TRPM3: variants seen among roughly 807,000 people sequenced by gnomAD.
TRPM3 encodes the protein long transient receptor potential channel 3.
TRPM3 carries 77 observed loss-of-function variants against 181.2 expected under a neutral mutation model. The observed-to-expected ratio is 0.42, with a 90% CI of 0.35 to 0.51. The LOEUF (loss-of-function observed/expected upper bound fraction) is 0.51. Among genes scored for constraint, TRPM3 ranks in the 20% least tolerant of loss-of-function variants. The pLI is 0.01. For missense variants in TRPM3, 1,759 were observed against 2,196.7 expected (o/e 0.80, Z 3.98); for synonymous variants, 745 against 796.4 (o/e 0.94, Z 1.09).
chr9:70,689,646 T>C (rs2067947532), intron 8 of TRPM3, among the ~76,000 whole-genome samples: 2 of 152,062 alleles, frequency 1.3e-5, no homozygotes, highest in African/African-American at 4.8e-5. Flanking sequence ...TGAGACTTGA[T>C]ATGAGTGTGA....
chr9:71,288,311 G>A (rs900426868), intron 1 of TRPM3, among the ~76,000 whole-genome samples: 1 of 151,910 alleles, frequency 6.6e-6, no homozygotes, highest in African/African-American at 2.4e-5. Context: ...TCTGGATGTA[G>A]AGCTAAAACT....
At chr9:71,171,004 C>T (rs1360390373) in intron 1 of TRPM3, among the ~76,000 whole-genome samples, 5 of 148,126 alleles carry the variant, frequency 3.4e-5, no homozygotes, top group African/African-American at 9.9e-5. Context: ...AGAGAATATG[C>T]GCCTGGAGGT....
At chr9:71,060,056 G>C (rs945923950) in intron 1 of TRPM3, among the ~76,000 whole-genome samples, 1 of 152,094 alleles carries the variant, frequency 6.6e-6, no homozygotes, top group African/African-American at 2.4e-5. Context: ...ATGTAGAAGA[G>C]AATCAGACTT....
Position 70,876,122 on chromosome 9 carries a change from T to G in TRPM3, c.178-11611A>C, listed in dbSNP as rs551151419. 5.9e-4 allele frequency among the ~76,000 whole-genome samples: 89 copies of G among 151,820 alleles called. 3 individuals carry two copies. The highest frequency in any genetic ancestry group is 2.7e-4 in the Non-Finnish European group (18 of 67,846). ...CCATTTTAAGGTTGTTCAAGGTTATTAGGCTTAGCTTCAAAATATTGTTAA... is the reference window on the plus strand; with the variant it reads ...CCATTTTAAGGTTGTTCAAGGTTATGAGGCTTAGCTTCAAAATATTGTTAA... On this transcript the variant is annotated intron_variant, in intron 1 of 25. Transcript: ENST00000677713.
At chr9:71,171,833 G>A (rs1045118863) in intron 1 of TRPM3, among the ~76,000 whole-genome samples, 2 of 152,064 alleles carry the variant, frequency 1.3e-5, no homozygotes, top group Non-Finnish European at 2.9e-5. Context: ...ACACATCTAA[G>A]ACCAGATTGG....
At chr9:71,201,999 G>T (rs559821808) in intron 1 of TRPM3, among the ~76,000 whole-genome samples, 1 of 152,108 alleles carries the variant, frequency 6.6e-6, no homozygotes, top group Non-Finnish European at 1.5e-5. Context: ...ATGTACAGAT[G>T]GGTTTTTGGT....
intron 1 of TRPM3, among the ~76,000 whole-genome samples, chr9:70,934,601 C>T (rs547886631): frequency 6.6e-6 from 1 of 152,198 alleles, no homozygotes; most frequent in Non-Finnish European, 1.5e-5. Flanking sequence ...AAAATATGAT[C>T]TTACAGGGTT....
At chr9:70,967,483 T>TTTTCTGA (rs1203614920) in intron 1 of TRPM3, among the ~76,000 whole-genome samples, 5 of 152,144 alleles carry the variant, frequency 3.3e-5, no homozygotes, top group African/African-American at 1.2e-4. Context: ...TCCAAAGAAA[T>TTTTCTGA]TCTGTGTTTA....
At chr9:71,154,219 T>A (rs1183123010) in intron 1 of TRPM3, among the ~76,000 whole-genome samples, 3 of 152,172 alleles carry the variant, frequency 2.0e-5, no homozygotes, top group Admixed American at 1.3e-4. Context: ...AATAACTTTT[T>A]AAAATATAAT....
rs11142606 is a variant in TRPM3 at position 70,828,715 on chromosome 9, T to G, written c.802-697A>C. 5.5e-4 allele frequency among the ~76,000 whole-genome samples: 79 copies of G among 143,236 alleles called. 1 individual carries two copies. Among genetic ancestry groups the G allele is most frequent in the East Asian group, 2.8e-3 (14 of 5,078 alleles). The allele number at this position is 143,236 out of a possible 152,430, so 94.0% of individuals were successfully genotyped here. A position where few individuals can be genotyped will look rare whatever the true frequency, so the allele number is the denominator to read the frequency against. The stretch of plus-strand genomic sequence containing the variant: ...TGGCCTTCCAGATTTTTTTTTTTTT[T>G]TATAAAAAGAACAGCAATACCTATT... On this transcript the variant is annotated intron_variant, in intron 5 of 25. Transcript: ENST00000677713.
chr9:70,911,416 C>A (rs1027659937), intron 1 of TRPM3, among the ~76,000 whole-genome samples: 1 of 152,192 alleles, frequency 6.6e-6, no homozygotes, highest in Non-Finnish European at 1.5e-5. Flanking sequence ...TAATTTCATA[C>A]AAAATCATGC....
intron 1 of TRPM3, among the ~76,000 whole-genome samples, chr9:70,870,609 G>T (rs1034039832): frequency 2.0e-5 from 3 of 151,954 alleles, no homozygotes; most frequent in Non-Finnish European, 4.4e-5. Context: ...TACAGAAAAA[G>T]TGGAAACAAA....
At chr9:70,618,481 G>A (rs2063125949) in intron 17 of TRPM3, among the ~76,000 whole-genome samples, 2 of 152,184 alleles carry the variant, frequency 1.3e-5, no homozygotes, top group Admixed American at 6.5e-5. Context: ...ATGACATGAT[G>A]CCAAGGAGGG....
chr9:71,342,986 C>T (rs747759858), intron 1 of TRPM3, among the ~76,000 whole-genome samples: 8 of 151,888 alleles, frequency 5.3e-5, no homozygotes, highest in Non-Finnish European at 8.8e-5. Flanking sequence ...ATAGTGTACC[C>T]TTTGTATAAG....
chr9:70,875,025 CA>C (rs958479230), intron 1 of TRPM3, among the ~76,000 whole-genome samples: 1 of 151,826 alleles, frequency 6.6e-6, no homozygotes, highest in Non-Finnish European at 1.5e-5. Context: ...ATTCTGAGGT[CA>C]AATTATTTAT....
chr9:70,890,495 G>A (rs947908649), intron 1 of TRPM3, among the ~76,000 whole-genome samples: 2 of 152,084 alleles, frequency 1.3e-5, no homozygotes, highest in Admixed American at 6.6e-5. Context: ...CAGTGGAGTA[G>A]ATGAAGATAG....
At chr9:70,846,320 C>G (rs2094950759) in intron 4 of TRPM3, 58 bp downstream of exon 4, 8 of 1,501,950 alleles carry the variant, frequency 5.3e-6, no homozygotes, top group Non-Finnish European at 7.4e-6. Flanking sequence ...CAGAAAATTA[C>G]ATCAGGCACA....
At chr9:70,601,193 C>T (rs1174255429) in intron 20 of TRPM3, among the ~76,000 whole-genome samples, 5 of 152,154 alleles carry the variant, frequency 3.3e-5, no homozygotes, top group Non-Finnish European at 7.4e-5. Flanking sequence ...ATCATAGTCA[C>T]GCCATCGACC....
At chr9:71,079,465 G>T (rs954411350) in intron 1 of TRPM3, among the ~76,000 whole-genome samples, 2 of 152,172 alleles carry the variant, frequency 1.3e-5, no homozygotes, top group Non-Finnish European at 2.9e-5. Context: ...TGTGATCTCA[G>T]TTAAGTCAAA....
Sources: gnomAD v4.1 joint callset for allele counts (sites outside exome capture counted in the v4.1 genomes callset) on GRCh38, gnomAD v4.1.1 for gene constraint, MANE v1.5 for transcripts, NCBI Gene and HGNC (gene_info 2026-07-23, HGNC 2026-07-21) for gene names.